The following PCDHGA9 variants were observed in gnomAD, a reference collection of about 807,000 sequenced individuals.
PCDHGA9 encodes protocadherin gamma subfamily A, 9, also known as protocadherin gamma-A9.
A neutral mutation model predicts 62.5 loss-of-function variants in PCDHGA9; 37 were observed. That is an observed-to-expected ratio of 0.59 (90% CI 0.46 to 0.78). The LOEUF (loss-of-function observed/expected upper bound fraction) is 0.78. PCDHGA9 is among the 30% of genes least tolerant of loss of function. PCDHGA9 has a pLI of 0.00. For synonymous variants in PCDHGA9, 459 were observed against 484.6 expected (o/e 0.95, Z 0.69); for missense variants, 1,138 against 1,166.2 (o/e 0.98, Z 0.35).
At chr5:141,483,772 G>C (rs2099586910) in intron 1 of PCDHGA9, among the ~76,000 whole-genome samples, 1 of 152,140 alleles carries the variant, frequency 6.6e-6, no homozygotes, top group Non-Finnish European at 1.5e-5. Flanking sequence ...AAAAATATTG[G>C]GGAAGGATAA....
intron 2 of PCDHGA9, among the ~76,000 whole-genome samples, chr5:141,496,753 A>G (rs2099771084): frequency 6.6e-6 from 1 of 152,166 alleles, no homozygotes; most frequent in Admixed American, 6.5e-5. Flanking sequence ...TTCAACAAAT[A>G]TTTATCGAGC....
intron 1 of PCDHGA9, among the ~76,000 whole-genome samples, chr5:141,447,644 G>A (rs1212910845): frequency 1.3e-5 from 2 of 152,146 alleles, no homozygotes; most frequent in Admixed American, 1.3e-4. Context: ...AATGATGGTA[G>A]AATTTTCCCC....
rs1327490895 is a variant in PCDHGA9, at chr5:141,487,672, G to A, written c.2425-7135G>A. The stretch of plus-strand genomic sequence containing the variant: ...AGGGTTATTCTGATCCAGGCATATG[G>A]CTAGGCCATGTCCTAGAGAGTACTG... On this transcript the variant is annotated intron_variant, in intron 1 of 3. Coordinates refer to ENST00000573521, the MANE Select transcript of PCDHGA9 (RefSeq NM_018921.3). This position sits in a 1 kb window ranked among gnomAD's most constrained non-coding sequence, Gnocchi z 5.0. 6.2e-7 allele frequency: 1 copy of A among 1,611,484 alleles called. No individual in the cohort carries two copies. Among genetic ancestry groups the A allele is most frequent in the Non-Finnish European group, 8.5e-7 (1 of 1,178,612 alleles).
Position 141,485,987 on chromosome 5 carries a change from G to T in PCDHGA9, c.2425-8820G>T. 1 of 1,614,170 alleles carries T rather than the reference G, an allele frequency of 6.2e-7. No homozygotes were observed. On this transcript the variant is annotated intron_variant, in intron 1 of 3. Transcript: ENST00000573521. The surrounding 1 kb of genome is among the most constrained non-coding windows in gnomAD (Gnocchi z 5.7). ...GCTCAATGCCTCAGACCCGGACCTG[G>T]GTCCCAGTGGTAACGTCACCTTTTA...
intron 3 of PCDHGA9, among the ~76,000 whole-genome samples, chr5:141,506,202 G>A (rs911181875): frequency 6.6e-6 from 1 of 152,184 alleles, no homozygotes; most frequent in Non-Finnish European, 1.5e-5. Context: ...TGTAATCCCA[G>A]CACTTTGGGA....
At chr5:141,502,368 G>A (rs2099813930) in intron 2 of PCDHGA9, among the ~76,000 whole-genome samples, 1 of 151,996 alleles carries the variant, frequency 6.6e-6, no homozygotes, top group East Asian at 1.9e-4. Context: ...TATTTTTAAA[G>A]AGTCCAGGCC....
At chr5:141,460,034 C>T (rs1463167810) in intron 1 of PCDHGA9, among the ~76,000 whole-genome samples, 1 of 152,116 alleles carries the variant, frequency 6.6e-6, no homozygotes, top group African/African-American at 2.4e-5. Context: ...GCCGAGACTG[C>T]ACCACTGCAC....
chr5:141,431,670 T>C lies in PCDHGA9; in HGVS notation c.2424+26294T>C, dbSNP rs767342240. 1 of 1,614,070 alleles carries C rather than the reference T, an allele frequency of 6.2e-7. No homozygotes were observed. The highest frequency in any genetic ancestry group is 8.5e-7 in the Non-Finnish European group (1 of 1,180,026). On this transcript the variant is annotated intron_variant, in intron 1 of 3. Coordinates refer to ENST00000573521, the MANE Select transcript of PCDHGA9 (RefSeq NM_018921.3). This position sits in a 1 kb window ranked among gnomAD's most constrained non-coding sequence, Gnocchi z 4.8. ...TGTAATTCAGGGACAATATCAACAATAGGGGAGTTGGACCACGAGGAGTCA... is the reference window on the plus strand; with the variant it reads ...TGTAATTCAGGGACAATATCAACAACAGGGGAGTTGGACCACGAGGAGTCA...
At chr5:141,414,233 T>A in intron 1 of PCDHGA9, 1 of 1,613,474 alleles carries the variant, frequency 6.2e-7, no homozygotes, top group Non-Finnish European at 8.5e-7. Flanking sequence ...GAGCTGACCA[T>A]CACGTCTCTA....
At position 141,485,122 on chromosome 5, in the gene PCDHGA9, G is replaced by A. The variant is rs1000179570; in HGVS notation, c.2425-9685G>A. The A allele has an allele frequency of 1.4e-6, 2 of 1,387,624 alleles. No individual in the cohort carries two copies. The highest frequency in any genetic ancestry group is 1.4e-5 in the African/African-American group (1 of 70,566). 86.0% of individuals were successfully genotyped at this position (1,387,624 alleles called of 1,614,324 possible). A position where few individuals can be genotyped will look rare whatever the true frequency, so the allele number is the denominator to read the frequency against. Reference sequence around the variant, plus strand: ...CAGCTGCTGTGGCTGTTTGGGGCGGGTCGGCTTCATCCGCGTCTCAGGAGC... The same window carrying A: ...CAGCTGCTGTGGCTGTTTGGGGCGGATCGGCTTCATCCGCGTCTCAGGAGC... On this transcript the variant is annotated intron_variant, in intron 1 of 3. Coordinates refer to ENST00000573521, the MANE Select transcript of PCDHGA9 (RefSeq NM_018921.3). The surrounding 1 kb of genome is among the most constrained non-coding windows in gnomAD (Gnocchi z 5.7).
intron 1 of PCDHGA9, chr5:141,427,525 CG>C (rs996050026): frequency 4.9e-6 from 3 of 612,098 alleles, no homozygotes; most frequent in Non-Finnish European, 9.2e-6. Flanking sequence ...GAGCGGATCC[CG>C]GAGTACAACG....
rs907427230 is a variant in PCDHGA9, at chr5:141,489,936, G to A, written c.2425-4871G>A. 4 of 1,614,096 alleles carry A rather than the reference G, an allele frequency of 2.5e-6. No homozygotes were observed. In the African/African-American group the frequency reaches 5.3e-5, roughly 22 times the overall value. ...GGACCACCCTTATCTCTGTCATCGT[G>A]CTGGACATCAATGATAATGCTCCAA... is the stretch of plus-strand genomic sequence containing the variant. On this transcript the variant is annotated intron_variant, in intron 1 of 3. Coordinates refer to ENST00000573521, the MANE Select transcript of PCDHGA9 (RefSeq NM_018921.3). This position sits in a 1 kb window ranked among gnomAD's most constrained non-coding sequence, Gnocchi z 4.5.
chr5:141,413,256 A>G (rs1255086187), intron 1 of PCDHGA9: 2 of 1,613,946 alleles, frequency 1.2e-6, no homozygotes, highest in Admixed American at 1.7e-5. Context: ...TCGGGATTCC[A>G]TGGGAGGCTG....
chr5:141,410,019 A>C, intron 1 of PCDHGA9: 2 of 1,613,204 alleles, frequency 1.2e-6, no homozygotes, highest in African/African-American at 2.7e-5. Context: ...TGGCTGTCCT[A>C]CCACGTGCTG....
chr5:141,424,365 T>A (rs933291305), intron 1 of PCDHGA9: 7 of 152,246 alleles, frequency 4.6e-5, no homozygotes, highest in African/African-American at 1.7e-4. Context: ...TAGATCACAT[T>A]TTTTCTTAAG....
At chr5:141,412,876 A>T (rs1206092699) in intron 1 of PCDHGA9, 2 of 281,096 alleles carry the variant, frequency 7.1e-6, no homozygotes, top group Admixed American at 4.9e-5. Flanking sequence ...AAATATAATA[A>T]TCCAACAGAA....
At chr5:141,427,712 C>CCTGG (rs1319672065) in intron 1 of PCDHGA9, 7 of 1,051,350 alleles carry the variant, frequency 6.7e-6, no homozygotes, top group Non-Finnish European at 1.0e-5. Context: ...GCGCCTCTGA[C>CCTGG]CTGGACCTAG....
At chr5:141,510,627 G>C (rs2099881988) in intron 3 of PCDHGA9, among the ~76,000 whole-genome samples, 2 of 152,090 alleles carry the variant, frequency 1.3e-5, no homozygotes, top group South Asian at 2.1e-4. Context: ...AACCAGAAGA[G>C]GTGGTTACCA....
chr5:141,413,343 G>A, intron 1 of PCDHGA9: 12 of 1,613,994 alleles, frequency 7.4e-6, no homozygotes, highest in Non-Finnish European at 1.0e-5. Context: ...CCAAGGACTT[G>A]GGTCTGGCGC....
Sources: gnomAD v4.1 joint callset for allele counts (sites outside exome capture counted in the v4.1 genomes callset) on GRCh38, gnomAD v4.1.1 for gene constraint, Gnocchi (gnomAD v3.1) non-coding constraint, MANE v1.5 for transcripts, NCBI Gene and HGNC (gene_info 2026-07-23, HGNC 2026-07-21) for gene names.